Variants in GRM8 observed in about 807,000 individuals in gnomAD.
GRM8 encodes glutamate metabotropic receptor 8.
A neutral mutation model predicts 87.2 loss-of-function variants in GRM8; 47 were observed. That is an observed-to-expected ratio of 0.54 (90% CI 0.43 to 0.69). The LOEUF (loss-of-function observed/expected upper bound fraction) is 0.69. Among genes scored for constraint, GRM8 ranks in the 30% least tolerant of loss-of-function variants. GRM8 has a pLI of 0.00. For missense variants in GRM8, 1,019 were observed against 1,139.2 expected (o/e 0.89, Z 1.52); for synonymous variants, 396 against 404.5 (o/e 0.98, Z 0.25).
intron 3 of GRM8, among the ~76,000 whole-genome samples, chr7:127,048,500 G>C (rs963168089): frequency 4.6e-5 from 7 of 152,230 alleles, no homozygotes; most frequent in African/African-American, 1.2e-4. Flanking sequence ...GGTGAGTACA[G>C]TTTATAGAAA....
chr7:126,985,972 T>A (rs1020330376), intron 3 of GRM8, among the ~76,000 whole-genome samples: 1 of 152,182 alleles, frequency 6.6e-6, no homozygotes, highest in Non-Finnish European at 1.5e-5. Context: ...AATATATAAT[T>A]CCTTTTTCAT....
chr7:126,475,599 T>C (rs758346534), intron 9 of GRM8, among the ~76,000 whole-genome samples: 1 of 151,980 alleles, frequency 6.6e-6, no homozygotes. Context: ...TTTTAAAAAA[T>C]AGAAATAGGA....
chr7:126,743,986 A>G (rs1444845934), intron 7 of GRM8, among the ~76,000 whole-genome samples: 2 of 152,142 alleles, frequency 1.3e-5, no homozygotes, highest in South Asian at 2.1e-4. Flanking sequence ...GAACTACACT[A>G]GTAGTCATCA....
intron 7 of GRM8, among the ~76,000 whole-genome samples, chr7:126,663,440 C>T (rs192531234): frequency 1.3e-5 from 2 of 152,292 alleles, no homozygotes; most frequent in East Asian, 3.9e-4. Context: ...AAAGTTAATT[C>T]ACCATGATTA....
intron 2 of GRM8, among the ~76,000 whole-genome samples, chr7:127,226,122 CA>C (rs1318471236): frequency 1.3e-5 from 2 of 152,050 alleles, no homozygotes; most frequent in African/African-American, 4.8e-5. Flanking sequence ...TTAAAATCTA[CA>C]ATAGGAAAAA....
chr7:126,551,340 A>G (rs1287241390), intron 8 of GRM8, among the ~76,000 whole-genome samples: 2 of 152,088 alleles, frequency 1.3e-5, no homozygotes, highest in Admixed American at 1.3e-4. Context: ...CACTATCACT[A>G]TTATTTCTCT....
intron 7 of GRM8, among the ~76,000 whole-genome samples, chr7:126,760,569 A>T (rs1272239641): frequency 5.3e-5 from 8 of 152,208 alleles, no homozygotes; most frequent in African/African-American, 1.2e-4. Context: ...CAGAAACAAA[A>T]AAATTACTTG....
intron 3 of GRM8, among the ~76,000 whole-genome samples, chr7:127,040,145 T>A (rs1015394333): frequency 1.1e-4 from 17 of 149,252 alleles, no homozygotes; most frequent in African/African-American, 4.0e-4. Context: ...ATAGTCCAGG[T>A]CTAAGGCAAG....
Position 126,554,086 on chromosome 7 carries a change from A to G in GRM8, c.1495-20199T>C, listed in dbSNP as rs1215792214. 7.2e-5 allele frequency among the ~76,000 whole-genome samples: 11 copies of G among 152,262 alleles called. No individual in the cohort carries two copies. In the East Asian group the frequency reaches 1.5e-3, roughly 21 times the overall value. ...AAAAATATATTCCAATCTTTTCTCA[A>G]AGAAATGAAATTTAAAATGAATTAA... On this transcript the variant is annotated intron_variant, in intron 8 of 10. Transcript: ENST00000339582.
At chr7:126,809,735 C>T (rs1234606679) in intron 6 of GRM8, among the ~76,000 whole-genome samples, 1 of 152,130 alleles carries the variant, frequency 6.6e-6, no homozygotes, top group Non-Finnish European at 1.5e-5. Context: ...CTGCTCTGCC[C>T]TTTTCAGAGT....
At position 126,685,823 on chromosome 7, in the gene GRM8, A is replaced by G. The variant is rs1411411267; in HGVS notation, c.1358-76325T>C. Among the ~76,000 whole-genome samples the G allele has an allele frequency of 6.6e-6, 1 of 151,954 alleles. No individual in the cohort carries two copies. Among genetic ancestry groups the G allele is most frequent in the East Asian group, 1.9e-4 (1 of 5,132 alleles). On this transcript the variant is annotated intron_variant, in intron 7 of 10. Transcript: ENST00000339582. The surrounding 1 kb of genome is among the most constrained non-coding windows in gnomAD (Gnocchi z 4.2). ...GACAGGCTCCTGGGCAGAAGGGGGA[A>G]GGTCCTCAGTGATGCCCTACCTTCA...
chr7:127,213,357 C>T (rs1235494121), intron 2 of GRM8, among the ~76,000 whole-genome samples: 1 of 152,090 alleles, frequency 6.6e-6, no homozygotes, highest in Non-Finnish European at 1.5e-5. Context: ...AAATTATATA[C>T]TAGATTTTGA....
chr7:126,978,052 A>G (rs1811184410), intron 3 of GRM8, among the ~76,000 whole-genome samples: 1 of 152,246 alleles, frequency 6.6e-6, no homozygotes, highest in Non-Finnish European at 1.5e-5. Context: ...GTGGCATAGT[A>G]GCAATACAGG....
At chr7:127,248,497 C>T (rs1440303442) in intron 1 of GRM8, among the ~76,000 whole-genome samples, 3 of 152,150 alleles carry the variant, frequency 2.0e-5, no homozygotes, top group East Asian at 3.9e-4. Context: ...GTTCTAGAGT[C>T]CTAGGAGACA....
intron 6 of GRM8, among the ~76,000 whole-genome samples, chr7:126,831,621 G>A (rs189858567): frequency 1.6e-4 from 25 of 152,308 alleles, no homozygotes; most frequent in Non-Finnish European, 3.2e-4. Flanking sequence ...TCCTTGACCA[G>A]GAAAGGGAAG....
chr7:127,135,617 CAAAAAAA>C (rs1168682673), intron 2 of GRM8, among the ~76,000 whole-genome samples: 2 of 36,840 alleles, frequency 5.4e-5, no homozygotes, highest in Non-Finnish European at 9.6e-5. Flanking sequence ...GACTCCGTCT[CAAAAAAA>C]AAAAAAAAAA....
chr7:126,977,407 G>C (rs1055299583), intron 3 of GRM8, among the ~76,000 whole-genome samples: 1 of 152,102 alleles, frequency 6.6e-6, no homozygotes, highest in Non-Finnish European at 1.5e-5. Context: ...TCAGTCCTAC[G>C]TGTCTGTTAG....
intron 9 of GRM8, among the ~76,000 whole-genome samples, chr7:126,447,631 A>T (rs1040816989): frequency 1.3e-5 from 2 of 152,004 alleles, no homozygotes; most frequent in Admixed American, 6.6e-5. Flanking sequence ...AAAACAAAAA[A>T]AACCATTCGC....
intron 3 of GRM8, among the ~76,000 whole-genome samples, chr7:127,036,778 C>T (rs1817890322): frequency 6.6e-6 from 1 of 152,108 alleles, no homozygotes; most frequent in Non-Finnish European, 1.5e-5. Context: ...GGTTTTAGTA[C>T]TAAGGACAGA....
Sources: gnomAD v4.1 joint callset for allele counts (sites outside exome capture counted in the v4.1 genomes callset) on GRCh38, gnomAD v4.1.1 for gene constraint, Gnocchi (gnomAD v3.1) non-coding constraint, MANE v1.5 for transcripts, NCBI Gene and HGNC (gene_info 2026-07-23, HGNC 2026-07-21) for gene names.